Variants in RSPO2 observed in about 807,000 individuals in gnomAD.
The protein encoded by RSPO2 is R-spondin-2.
Under a neutral mutation model 30.9 loss-of-function variants are expected in RSPO2, and 14 were observed. That is an observed-to-expected ratio of 0.45 (90% CI 0.30 to 0.71). RSPO2 has a LOEUF of 0.71. Among genes scored for constraint, RSPO2 ranks in the 30% least tolerant of loss-of-function variants. The probability of loss-of-function intolerance (pLI) is 0.08; values close to 1 mark genes in which losing one functional copy is unlikely to be tolerated. For synonymous variants in RSPO2, 107 were observed against 96.4 expected (o/e 1.11, Z -0.64); for missense variants, 264 against 301.9 (o/e 0.87, Z 0.93).
intron 3 of RSPO2, among the ~76,000 whole-genome samples, chr8:107,970,949 C>T (rs1408222069): frequency 6.6e-6 from 1 of 152,184 alleles, no homozygotes; most frequent in Non-Finnish European, 1.5e-5. Flanking sequence ...GGTTGTACCA[C>T]GCAGTGGCAG....
intron 5 of RSPO2, among the ~76,000 whole-genome samples, chr8:107,952,289 GCACACACA>G (rs60942015): frequency 0.49 from 73,456 of 148,924 alleles, 20,789 homozygotes; most frequent in East Asian, 0.68. Flanking sequence ...ACACACACAT[GCACACACA>G]CACACACACA....
intron 2 of RSPO2, among the ~76,000 whole-genome samples, chr8:108,054,601 G>A (rs1343224447): frequency 6.6e-6 from 1 of 152,190 alleles, no homozygotes; most frequent in Non-Finnish European, 1.5e-5. Context: ...GATAGACAGT[G>A]TTCTCTGCCA....
intron 2 of RSPO2, among the ~76,000 whole-genome samples, chr8:108,063,737 A>G (rs1274465605): frequency 1.3e-5 from 2 of 152,002 alleles, no homozygotes; most frequent in Non-Finnish European, 2.9e-5. Context: ...CCTAAGCCAA[A>G]AGAACAAAGC....
At chr8:107,999,246 A>G (rs1265466256) in intron 2 of RSPO2, among the ~76,000 whole-genome samples, 1 of 152,158 alleles carries the variant, frequency 6.6e-6, no homozygotes, top group East Asian at 1.9e-4. Context: ...AAGATTGGAC[A>G]TATAATTGTC....
intron 2 of RSPO2, among the ~76,000 whole-genome samples, chr8:108,010,103 G>A (rs1242070338): frequency 2.6e-5 from 4 of 151,744 alleles, no homozygotes; most frequent in Admixed American, 6.6e-5. Context: ...TGAATTATGA[G>A]TATCAAAAAC....
At chr8:107,911,163 C>T (rs1339323279) in intron 5 of RSPO2, among the ~76,000 whole-genome samples, 2 of 152,184 alleles carry the variant, frequency 1.3e-5, no homozygotes, top group Non-Finnish European at 2.9e-5. Flanking sequence ...ATGTAGGCTA[C>T]ACTCTATCCC....
chr8:108,018,441 A>G (rs1185179556), intron 2 of RSPO2, among the ~76,000 whole-genome samples: 1 of 152,200 alleles, frequency 6.6e-6, no homozygotes, highest in East Asian at 1.9e-4. Flanking sequence ...CTTAACTGAG[A>G]CCACATCAAG....
chr8:108,037,836 T>C (rs1811644589), intron 2 of RSPO2, among the ~76,000 whole-genome samples: 1 of 152,184 alleles, frequency 6.6e-6, no homozygotes, highest in Admixed American at 6.5e-5. Context: ...GTTTACAGCA[T>C]GGTTTACTGA....
chr8:108,016,039 T>C (rs1384148838), intron 2 of RSPO2, among the ~76,000 whole-genome samples: 2 of 152,050 alleles, frequency 1.3e-5, no homozygotes, highest in Admixed American at 6.6e-5. Flanking sequence ...GGGAGGAAAT[T>C]AGGAGTCAGA....
intron 2 of RSPO2, among the ~76,000 whole-genome samples, chr8:108,001,230 AAC>A (rs1272272012): frequency 6.6e-6 from 1 of 152,108 alleles, no homozygotes; most frequent in African/African-American, 2.4e-5. Context: ...CATTTCCAAA[AAC>A]AGTCATGAAT....
chr8:107,907,852 A>C (rs539369952), intron 5 of RSPO2, among the ~76,000 whole-genome samples: 13 of 152,284 alleles, frequency 8.5e-5, no homozygotes, highest in Non-Finnish European at 8.8e-5. Flanking sequence ...ATAGTATGAA[A>C]TTATGAAATG....
intron 2 of RSPO2, among the ~76,000 whole-genome samples, chr8:108,025,663 C>T (rs548370243): frequency 6.6e-6 from 1 of 152,064 alleles, no homozygotes; most frequent in South Asian, 2.1e-4. Flanking sequence ...ATAGCTGAGA[C>T]TATGGATGCA....
intron 5 of RSPO2, among the ~76,000 whole-genome samples, chr8:107,948,426 A>G (rs1813134715): frequency 6.6e-6 from 1 of 152,196 alleles, no homozygotes; most frequent in South Asian, 2.1e-4. Context: ...GTAAACATTT[A>G]CTCAAAATCT....
At chr8:108,018,925 TGATA>T (rs1375549307) in intron 2 of RSPO2, among the ~76,000 whole-genome samples, 1 of 152,220 alleles carries the variant, frequency 6.6e-6, no homozygotes, top group Non-Finnish European at 1.5e-5. Context: ...CATAGATGCT[TGATA>T]GAGTTTTAAA....
intron 5 of RSPO2, among the ~76,000 whole-genome samples, chr8:107,926,632 T>G (rs376244080): frequency 2.3e-4 from 35 of 151,700 alleles, no homozygotes; most frequent in Middle Eastern, 6.8e-3. Context: ...AGTTTTCCCA[T>G]CACCATTTAT....
chr8:108,031,203 C>T (rs61086782), intron 2 of RSPO2, among the ~76,000 whole-genome samples: 2,122 of 152,244 alleles, frequency 0.014, 51 homozygotes, highest in African/African-American at 0.048. Flanking sequence ...GAACCTACCA[C>T]CAGATTAATC....
intron 2 of RSPO2, among the ~76,000 whole-genome samples, chr8:108,005,158 G>A (rs1479031239): frequency 6.6e-6 from 1 of 152,136 alleles, no homozygotes; most frequent in Non-Finnish European, 1.5e-5. Context: ...GGGGGATAAT[G>A]TATGAAGTGA....
At chr8:108,048,637 T>A (rs1389828572) in intron 2 of RSPO2, among the ~76,000 whole-genome samples, 1 of 152,162 alleles carries the variant, frequency 6.6e-6, no homozygotes. Flanking sequence ...ATTCACTGAT[T>A]TTTTGAAGGG....
chr8:108,044,717 T>C (rs1044990655), intron 2 of RSPO2, among the ~76,000 whole-genome samples: 1 of 152,154 alleles, frequency 6.6e-6, no homozygotes, highest in Non-Finnish European at 1.5e-5. Flanking sequence ...TTTGGGTATA[T>C]ACGTGGTAAT....
Sources: gnomAD v4.1 joint callset for allele counts (sites outside exome capture counted in the v4.1 genomes callset) on GRCh38, gnomAD v4.1.1 for gene constraint, MANE v1.5 for transcripts, NCBI Gene and HGNC (gene_info 2026-07-23, HGNC 2026-07-21) for gene names.